Variants in RASGRF1 observed in about 807,000 individuals in gnomAD.
RASGRF1 encodes the protein Ras protein specific guanine nucleotide releasing factor 1.
In RASGRF1, 40 loss-of-function variants were observed where a neutral mutation model predicts 138.7. The ratio of observed to expected loss-of-function variants is 0.29; its 90% confidence interval spans 0.22 to 0.38. The LOEUF (loss-of-function observed/expected upper bound fraction) is 0.38, where lower values mean the gene tolerates loss of function less well. RASGRF1 is among the 10% of genes least tolerant of loss of function. The probability of loss-of-function intolerance (pLI) is 1.00; values close to 1 mark genes in which losing one functional copy is unlikely to be tolerated. For missense variants in RASGRF1, 1,108 were observed against 1,650.4 expected (o/e 0.67, Z 5.69); for synonymous variants, 614 against 663.2 (o/e 0.93, Z 1.14).
At chr15:79,011,472 G>A (rs576203551) in intron 13 of RASGRF1, among the ~76,000 whole-genome samples, 2 of 152,290 alleles carry the variant, frequency 1.3e-5, no homozygotes, top group South Asian at 4.2e-4. Context: ...GAGGCATATG[G>A]AACATTCAAT....
At chr15:78,964,970 G>A (rs561452207) in intron 26 of RASGRF1, among the ~76,000 whole-genome samples, 19 of 152,124 alleles carry the variant, frequency 1.2e-4, no homozygotes, top group African/African-American at 4.1e-4. Context: ...CACCCTCCTC[G>A]GCCTCCCAAA....
At position 79,064,533 on chromosome 15, in the gene RASGRF1, CAAG is replaced by C. The variant is rs781616337; in HGVS notation, c.277-10_277-8del. 1.4e-5 allele frequency: 22 copies of C among 1,605,222 alleles called. No homozygotes were observed. Among genetic ancestry groups the C allele is most frequent in the South Asian group, 2.2e-5 (2 of 90,900 alleles). On this transcript the variant is annotated splice_region_variant and splice_polypyrimidine_tract_variant and intron_variant, in intron 1 of 26. Coordinates refer to ENST00000558480, the MANE Select transcript of RASGRF1 (RefSeq NM_001145648.3). Reference sequence around the variant, plus strand: ...AGTTCACCGTGAAGTAATGCTGTATCAAGAAGAAGACATCTCCAATTACCAGAG... The same window carrying C: ...AGTTCACCGTGAAGTAATGCTGTATCAAGAAGACATCTCCAATTACCAGAG...
chr15:79,030,498 TC>T (rs1035188320), intron 8 of RASGRF1, among the ~76,000 whole-genome samples: 2 of 152,168 alleles, frequency 1.3e-5, no homozygotes, highest in Non-Finnish European at 2.9e-5. Context: ...GATTTCTCTT[TC>T]CCCTCTGCTC....
rs368452140 is a variant in RASGRF1, at chr15:78,985,085, G to A, written c.3336C>T (p.Ala1112=). The A allele has an allele frequency of 1.4e-5, 22 of 1,613,850 alleles. No individual in the cohort carries two copies. The highest frequency in any genetic ancestry group is 8.0e-5 in the African/African-American group (6 of 74,888). The part of the protein sequence containing the change: ...DICRCLHNYN[A]VLEITSSMNR... ...TCATGGACGAGGTGATCTCCAGTAC[G>A]GCATTGTAGTTGTGGAGGCAGCGGC... The change falls in exon 23 of 27, where the codon GCC becomes GCT. Residue 1112 remains alanine (A), a synonymous_variant. Transcript: ENST00000558480.
rs1481170403 is a variant in RASGRF1, at chr15:78,962,302, G to A, written c.3682-66C>T. 9 of 1,167,446 alleles carry A rather than the reference G, an allele frequency of 7.7e-6. No homozygotes were observed. The Admixed American group carries it at 1.6e-4, about 21-fold the overall frequency. The allele number at this position is 1,167,446 out of a possible 1,614,324, so 72.3% of individuals were successfully genotyped here. ...GACCTCCATAGTACTGATTGTGGATGCACTTTATCTCCTAGGGCCCAAGCC... is the reference window on the plus strand; with the variant it reads ...GACCTCCATAGTACTGATTGTGGATACACTTTATCTCCTAGGGCCCAAGCC... On this transcript the variant is annotated intron_variant, in intron 26 of 26. Transcript: ENST00000558480.
rs1596312256 is a variant in RASGRF1 at position 78,973,213 on chromosome 15, G to A, written c.3612+90C>T. The A allele has an allele frequency of 9.4e-7, 1 of 1,065,700 alleles. No individual in the cohort carries two copies. The highest frequency in any genetic ancestry group is 2.5e-5 in the East Asian group (1 of 40,374). The allele number at this position is 1,065,700 out of a possible 1,614,324, so 66.0% of individuals were successfully genotyped here. ...TGGGGGCACCCTATGCAGCAGGTTG[G>A]GCCTTGGGGGGCAGAGTGTGGGTGG... On this transcript the variant is annotated intron_variant, in intron 25 of 26. Transcript: ENST00000558480. This position sits in a 1 kb window ranked among gnomAD's most constrained non-coding sequence, Gnocchi z 4.9.
intron 26 of RASGRF1, among the ~76,000 whole-genome samples, chr15:78,967,481 C>T (rs904810270): frequency 6.6e-6 from 1 of 151,010 alleles, no homozygotes; most frequent in Non-Finnish European, 1.5e-5. Flanking sequence ...CTCATGAGGT[C>T]GAGGCTACAG....
At chr15:78,978,909 A>G (rs1339096587) in intron 24 of RASGRF1, 1 of 1,259,264 alleles carries the variant, frequency 7.9e-7, no homozygotes, top group East Asian at 5.6e-5. Context: ...GAGCAGGGGA[A>G]TGTGGGAGAG....
chr15:79,079,666 TG>T (rs1202594259), intron 1 of RASGRF1, among the ~76,000 whole-genome samples: 1 of 152,208 alleles, frequency 6.6e-6, no homozygotes, highest in African/African-American at 2.4e-5. Flanking sequence ...ATAATCCCTC[TG>T]GGAGAATGGA....
intron 9 of RASGRF1, among the ~76,000 whole-genome samples, chr15:79,026,095 C>T (rs912394275): frequency 6.6e-6 from 1 of 152,110 alleles, no homozygotes; most frequent in South Asian, 2.1e-4. Flanking sequence ...TCATGAAAGC[C>T]ATTGCTGCCC....
chr15:79,005,866 A>G (rs1332463279), intron 14 of RASGRF1, among the ~76,000 whole-genome samples: 2 of 151,332 alleles, frequency 1.3e-5, no homozygotes, highest in Non-Finnish European at 2.9e-5. Flanking sequence ...TCCTTTGGTG[A>G]CGGTGGGACC....
intron 1 of RASGRF1, among the ~76,000 whole-genome samples, chr15:79,068,717 C>A (rs1010719559): frequency 6.6e-6 from 1 of 151,958 alleles, no homozygotes; most frequent in Non-Finnish European, 1.5e-5. Context: ...TCTTTCCCTG[C>A]ACTTCTGGAT....
chr15:79,043,010 C>CCTGA (rs2057315907), intron 5 of RASGRF1, among the ~76,000 whole-genome samples: 1 of 152,206 alleles, frequency 6.6e-6, no homozygotes, highest in African/African-American at 2.4e-5. Context: ...TCCTTCCCAT[C>CCTGA]CTGACCCCTG....
rs140190306 is a variant in RASGRF1 at position 79,003,829 on chromosome 15, C to T, written c.2422G>A (p.Glu808Lys). The change falls in exon 15 of 27, where the codon GAA becomes AAA. Residue 808 changes from glutamate to lysine, a missense_variant. Physicochemically the swap from Glu to Lys is moderately conservative, Grantham distance 56. Coordinates refer to ENST00000558480, the MANE Select transcript of RASGRF1 (RefSeq NM_001145648.3). ...TGCTTGCTGAGCGCTGAAGGGTCTT[C>T]GGGCTTCTCAGGGGTCGTATCGCCC... The part of the protein sequence containing the change: ...DEGDTTPEKP[E>K]DPSALSKQSS... 1.1e-4 allele frequency: 182 copies of T among 1,609,032 alleles called. No homozygotes were observed. Among genetic ancestry groups the T allele is most frequent in the Middle Eastern group, 1.0e-3 (6 of 6,018 alleles).
rs1240381544 is a variant in RASGRF1 at position 79,003,821 on chromosome 15, A to C, written c.2430T>G (p.Pro810=). Residue 810 remains proline, a synonymous_variant, in exon 15 of 27, where the codon CCT becomes CCG. Transcript: ENST00000558480. ...GDTTPEKPED[P]SALSKQSSEV... ...ACTCACTCTGCTTGCTGAGCGCTGA[A>C]GGGTCTTCGGGCTTCTCAGGGGTCG... is the stretch of plus-strand genomic sequence containing the variant. The C allele has an allele frequency of 6.2e-7, 1 of 1,604,794 alleles. No homozygotes were observed. Among genetic ancestry groups the C allele is most frequent in the Non-Finnish European group, 8.5e-7 (1 of 1,175,268 alleles).
intron 5 of RASGRF1, among the ~76,000 whole-genome samples, chr15:79,044,473 C>A (rs192604087): frequency 6.6e-6 from 1 of 152,156 alleles, no homozygotes; most frequent in Admixed American, 6.5e-5. Context: ...GAACCCAGCA[C>A]GCAGGGAGGC....
rs777469014 is a variant in RASGRF1 at position 79,003,891 on chromosome 15, T to C, written c.2360A>G (p.Tyr787Cys). 10 of 1,613,956 alleles carry C rather than the reference T, an allele frequency of 6.2e-6. No individual in the cohort carries two copies. In the East Asian group the frequency reaches 6.7e-5, roughly 11 times the overall value. The change falls in exon 15 of 27, where the codon TAT (tyrosine) becomes TGT (cysteine). Residue 787 changes from tyrosine to cysteine, a missense_variant. By Grantham distance (194) the Tyr-to-Cys change is radical. Around this residue, in one of 3 missense-constraint regions of RASGRF1, gnomAD observed 686 missense variants for 976.7 expected, o/e 0.70. Transcript: ENST00000558480. Reference sequence around the variant, plus strand: ...CTTGTTGGTGAAGCTGCTGGACACATAGAGCTTGCTGGTGTCCAGCGTGGC... The same window carrying C: ...CTTGTTGGTGAAGCTGCTGGACACACAGAGCTTGCTGGTGTCCAGCGTGGC... ...SKATLDTSKL[Y>C]VSSSFTNKIP... is the part of the protein sequence containing the mutation.
intron 3 of RASGRF1, 29 bp from the exon 4 acceptor site, chr15:79,049,617 A>AG: frequency 1.3e-6 from 2 of 1,593,338 alleles, no homozygotes; most frequent in Non-Finnish European, 8.6e-7. Flanking sequence ...TCAGCCTGTG[A>AG]GGGGCGCTGG....
intron 3 of RASGRF1, among the ~76,000 whole-genome samples, chr15:79,053,023 T>C (rs1272028994): frequency 1.3e-5 from 2 of 152,152 alleles, no homozygotes; most frequent in Non-Finnish European, 2.9e-5. Context: ...TCCCAGGACT[T>C]TGGGAGGCTG....
Sources: allele counts gnomAD v4.1 joint callset (sites outside exome capture counted in the v4.1 genomes callset), GRCh38; gene constraint gnomAD v4.1.1; regional missense constraint gnomAD v4.1.1; non-coding constraint Gnocchi (gnomAD v3.1); transcripts MANE v1.5; gene names NCBI Gene and HGNC (gene_info 2026-07-23, HGNC 2026-07-21).